RRP1: variants seen among roughly 807,000 people sequenced by gnomAD.
RRP1 encodes the protein ribosomal RNA processing protein 1 homolog A.
RRP1 carries 37 observed loss-of-function variants against 54.6 expected under a neutral mutation model. The observed-to-expected ratio is 0.68, with a 90% CI of 0.52 to 0.89. The LOEUF (loss-of-function observed/expected upper bound fraction) is 0.89, where lower values mean the gene tolerates loss of function less well. Among genes scored for constraint, RRP1 ranks in the 40% least tolerant of loss-of-function variants. RRP1 has a pLI of 0.00. For synonymous variants in RRP1, 262 were observed against 244.3 expected (o/e 1.07, Z -0.67); for missense variants, 639 against 612.5 (o/e 1.04, Z -0.46).
Position 43,802,529 on chromosome 21 carries a change from C to T in RRP1, c.1123+142C>T, listed in dbSNP as rs62230081. ...CTGGGTGCCTGCTATCCACGCATCC[C>T]GGAAATGCCCTGTCCTCGGCATCCC... On this transcript the variant is annotated intron_variant, in intron 12 of 12. Coordinates refer to ENST00000497547, the MANE Select transcript of RRP1 (RefSeq NM_003683.6). The T allele has an allele frequency of 3.5e-4, 235 of 671,590 alleles. 1 individual carries two copies. The highest frequency in any genetic ancestry group is 5.7e-4 in the Non-Finnish European group (211 of 371,062). 41.6% of individuals were successfully genotyped at this position (671,590 alleles called of 1,614,324 possible).
At chr21:43,791,251 G>A (rs1303803217) in intron 1 of RRP1, 99 bp from the exon 2 acceptor site, 2 of 1,252,818 alleles carry the variant, frequency 1.6e-6, no homozygotes, top group African/African-American at 3.0e-5. Context: ...CCGTAAGTGG[G>A]ACTTTGGTCT....
chr21:43,799,952 C>A (rs1291325142), intron 9 of RRP1, among the ~76,000 whole-genome samples: 1 of 152,242 alleles, frequency 6.6e-6, no homozygotes, highest in African/African-American at 2.4e-5. Context: ...TTGCCTCACA[C>A]ATGGGCAGCC....
chr21:43,791,169 A>T, intron 1 of RRP1, 181 bp from the exon 2 acceptor site: 1 of 666,850 alleles, frequency 1.5e-6, no homozygotes, highest in South Asian at 1.5e-5. Flanking sequence ...GCATAGCCAC[A>T]GGCGCGGCAG....
At chr21:43,796,642 C>T (rs770157731) in intron 5 of RRP1, among the ~76,000 whole-genome samples, 7 of 152,214 alleles carry the variant, frequency 4.6e-5, no homozygotes, top group Non-Finnish European at 8.8e-5. Flanking sequence ...GTCTCAGCAC[C>T]TGTTCTTGCC....
chr21:43,789,830 G>A (rs2084938187), intron 1 of RRP1, 68 bp downstream of exon 1: 10 of 1,418,392 alleles, frequency 7.1e-6, no homozygotes, highest in Non-Finnish European at 9.2e-6. Flanking sequence ...GGGCGGCGGC[G>A]GCCGGAGCTG....
At chr21:43,801,154 C>T (rs373963641) in intron 11 of RRP1, among the ~76,000 whole-genome samples, 10 of 152,182 alleles carry the variant, frequency 6.6e-5, no homozygotes, top group African/African-American at 1.9e-4. Context: ...AAGCACTGAC[C>T]GCGGTGCTGC....
chr21:43,791,307 G>A, intron 1 of RRP1, 43 bp from the exon 2 acceptor site: 1 of 1,597,506 alleles, frequency 6.3e-7, no homozygotes, highest in South Asian at 1.1e-5. Context: ...GGCACTCGAA[G>A]GTGTGGGATT....
chr21:43,801,924 TG>T (rs2085096934), intron 11 of RRP1, among the ~76,000 whole-genome samples: 1 of 152,128 alleles, frequency 6.6e-6, no homozygotes, highest in Non-Finnish European at 1.5e-5. Context: ...GTTTTCTGTT[TG>T]GGGTTTTCAG....
Position 43,803,680 on chromosome 21 carries a change from G to C in RRP1, c.1292G>C (p.Arg431Pro). Residue 431 changes from arginine (R) to proline (P), a missense_variant, in exon 13 of 13, where the codon CGC becomes CCC. By Grantham distance (103) the Arg-to-Pro change is moderately radical. Transcript: ENST00000497547. Reference sequence around the variant, plus strand: ...AGGGGCCGTGGCCAGAGAGGGGCTCGCCAGAGAAGGAGGACACCTCGGCCC... The same window carrying C: ...AGGGGCCGTGGCCAGAGAGGGGCTCCCCAGAGAAGGAGGACACCTCGGCCC... ...QPRGRGQRGARQRRRTPRPLT... is the reference protein window; with the variant it reads ...QPRGRGQRGAPQRRRTPRPLT... The C allele has an allele frequency of 1.9e-6, 3 of 1,552,380 alleles. No individual in the cohort carries two copies. Among genetic ancestry groups the C allele is most frequent in the Non-Finnish European group, 2.6e-6 (3 of 1,148,304 alleles).
intron 1 of RRP1, chr21:43,791,116 C>G (rs936387898): frequency 8.2e-6 from 5 of 610,946 alleles, no homozygotes; most frequent in Non-Finnish European, 1.5e-5. Flanking sequence ...AGATCTCAGT[C>G]GGTTTTACTG....
rs1166122146 is a variant in RRP1 at position 43,789,741 on chromosome 21, G to T, written c.112G>T (p.Ala38Ser). ...AVRKLRKYIV[A>S]RTQRAAGGFT... The stretch of plus-strand genomic sequence containing the variant: ...GAGGAAGCTCCGGAAATACATCGTC[G>T]CCAGGACTCAGCGGGCCGCAGGTTG... Residue 38 changes from alanine to serine, a missense_variant, in exon 1 of 13, where the codon GCC becomes TCC. By Grantham distance (99) the Ala-to-Ser change is moderately conservative (BLOSUM62 1). Coordinates refer to ENST00000497547, the MANE Select transcript of RRP1 (RefSeq NM_003683.6). The T allele has an allele frequency of 1.4e-4, 208 of 1,529,768 alleles. No homozygotes were observed. Among genetic ancestry groups the T allele is most frequent in the Non-Finnish European group, 1.7e-4 (198 of 1,137,812 alleles). The allele number at this position is 1,529,768 out of a possible 1,614,324, so 94.8% of individuals were successfully genotyped here.
At chr21:43,800,689 T>C (rs731935) in intron 10 of RRP1, 75 bp downstream of exon 10, 745,211 of 1,541,422 alleles carry the variant, frequency 0.48, 192,334 homozygotes, top group African/African-American at 0.78. Flanking sequence ...TGGGTGCCTT[T>C]GCCTTGTCCT....
At chr21:43,797,367 G>A (rs780569584) in intron 5 of RRP1, 55 bp from the exon 6 acceptor site, 14 of 1,558,410 alleles carry the variant, frequency 9.0e-6, no homozygotes, top group African/African-American at 2.7e-5. Flanking sequence ...TGGGGGGCAC[G>A]GCTGTCTTGG....
At chr21:43,803,477 A>G (rs2085113402) in intron 12 of RRP1, 35 bp from the exon 13 acceptor site, 4 of 1,514,466 alleles carry the variant, frequency 2.6e-6, no homozygotes, top group Non-Finnish European at 3.6e-6. Context: ...CCGTGTTGGC[A>G]TTCTCTGGCT....
intron 1 of RRP1, 29 bp from the exon 2 acceptor site, chr21:43,791,321 T>C: frequency 6.2e-7 from 1 of 1,611,600 alleles, no homozygotes; most frequent in Non-Finnish European, 8.5e-7. Context: ...TGGGATTCAT[T>C]TGGTCCAACC....
chr21:43,797,689 C>T lies in RRP1; in HGVS notation c.611C>T (p.Thr204Ile). The T allele has an allele frequency of 1.2e-6, 2 of 1,613,818 alleles. No homozygotes were observed. Among genetic ancestry groups the T allele is most frequent in the Non-Finnish European group, 1.7e-6 (2 of 1,180,016 alleles). The stretch of plus-strand genomic sequence containing the variant: ...CCCTTCTGCAGAATTGCTGCCCGGA[C>T]CAAGGAGTAAGTGGTGGGTGGCCTG... ...IDPFCRIAARTKDSLVLNNIT... is the reference protein window; with the variant it reads ...IDPFCRIAARIKDSLVLNNIT... The change falls in exon 7 of 13, where the codon ACC becomes ATC. Residue 204 changes from threonine to isoleucine, a missense_variant. Thr to Ile is a moderately conservative substitution (Grantham distance 89). Coordinates refer to ENST00000497547, the MANE Select transcript of RRP1 (RefSeq NM_003683.6).
At chr21:43,795,608 C>A (rs578198991) in intron 5 of RRP1, among the ~76,000 whole-genome samples, 1 of 152,106 alleles carries the variant, frequency 6.6e-6, no homozygotes, top group Non-Finnish European at 1.5e-5. Context: ...AGTGCAGTGG[C>A]GTGATCTTGG....
intron 3 of RRP1, chr21:43,792,931 C>G (rs1247016588): frequency 1.7e-6 from 1 of 599,008 alleles, no homozygotes; most frequent in Admixed American, 3.2e-5. Flanking sequence ...CTCATTTACC[C>G]AAAACCCTCA....
Position 43,804,002 on chromosome 21 carries a change from G to A in RRP1, c.*228G>A, listed in dbSNP as rs2123425011. On this transcript the variant is annotated 3_prime_UTR_variant, in exon 13 of 13. Coordinates refer to ENST00000497547, the MANE Select transcript of RRP1 (RefSeq NM_003683.6). The surrounding 1 kb of genome is among the most constrained non-coding windows in gnomAD (Gnocchi z 4.3). ...CTGTGGCTGTGATGACCTTGGGCCA[G>A]AAGGTCAAACTCCGAAGACTGAAAC... 1 of 527,006 alleles carries A rather than the reference G, an allele frequency of 1.9e-6. No individual in the cohort carries two copies. Among genetic ancestry groups the A allele is most frequent in the East Asian group, 3.3e-5 (1 of 30,584 alleles). The allele number at this position is 527,006 out of a possible 1,614,324, so 32.6% of individuals were successfully genotyped here. A position where few individuals can be genotyped will look rare whatever the true frequency, so the allele number is the denominator to read the frequency against.
Sources: gnomAD v4.1 joint callset for allele counts (sites outside exome capture counted in the v4.1 genomes callset) on GRCh38, gnomAD v4.1.1 for gene constraint, Gnocchi (gnomAD v3.1) non-coding constraint, MANE v1.5 for transcripts, NCBI Gene and HGNC (gene_info 2026-07-23, HGNC 2026-07-21) for gene names.